GINS2: variants seen among roughly 807,000 people sequenced by gnomAD.
The protein encoded by GINS2 is DNA replication complex GINS protein PSF2.
Under a neutral mutation model 21.2 loss-of-function variants are expected in GINS2, and 23 were observed. The observed-to-expected ratio is 1.08, with a 90% CI of 0.78 to 1.53. The LOEUF is 1.53. Ranked by LOEUF, GINS2 falls within the 40% of genes most tolerant of loss-of-function variation. The pLI, the probability that GINS2 is intolerant of heterozygous loss-of-function variation, is 0.00. For synonymous variants in GINS2, 118 were observed against 85.6 expected, an observed-to-expected ratio of 1.38 and a Z score of -2.09; for missense variants, 323 against 233.9, an observed-to-expected ratio of 1.38 and a Z score of -2.49.
In GINS2 at chr16:85,688,935, C is replaced by T. The variant is rs12928692; in HGVS notation, c.-37G>A. On this transcript the variant is annotated 5_prime_UTR_variant, in exon 1 of 5. Transcript: ENST00000253462. ...CTGCAGGCCAGAGCCTCACGGTCTC[C>T]TCGGGCCCCTCAGCGTCCCGGAGGA... 3.5e-6 allele frequency: 5 copies of T among 1,430,404 alleles called. No individual in the cohort carries two copies. The highest frequency in any genetic ancestry group is 2.1e-5 in the Admixed American group (1 of 46,734). The allele number at this position is 1,430,404 out of a possible 1,614,324, so 88.6% of individuals were successfully genotyped here.
At chr16:85,682,925 T>C (rs2053746215) in intron 2 of GINS2, among the ~76,000 whole-genome samples, 1 of 152,050 alleles carries the variant, frequency 6.6e-6, no homozygotes. Context: ...TCACCCTCTC[T>C]TCACTGCCGC....
rs2053685065 is a variant in GINS2, at chr16:85,677,254, A to ACCTTGAG, written c.*957_*958insCTCAAGG. 6.6e-6 allele frequency: 1 copy of ACCTTGAG among 152,166 alleles called. No individual in the cohort carries two copies. The highest frequency in any genetic ancestry group is 1.5e-5 in the Non-Finnish European group (1 of 68,026). 9.4% of individuals were successfully genotyped at this position (152,166 alleles called of 1,614,324 possible). On this transcript the variant is annotated 3_prime_UTR_variant, in exon 5 of 5. Transcript: ENST00000253462. ...ATGCTGGACGATCATTTCACCTCTC[A>ACCTTGAG]AGGTAATGTAATTTCTGTAAAGGTC...
At chr16:85,684,276 G>C (rs1185578821) in intron 2 of GINS2, among the ~76,000 whole-genome samples, 2 of 151,964 alleles carry the variant, frequency 1.3e-5, no homozygotes, top group African/African-American at 4.8e-5. Context: ...GGAGGTTGCA[G>C]TGAGCCATGA....
At chr16:85,687,001 C>T (rs191629161) in intron 2 of GINS2, among the ~76,000 whole-genome samples, 3 of 152,356 alleles carry the variant, frequency 2.0e-5, no homozygotes, top group Non-Finnish European at 4.4e-5. Flanking sequence ...GTGGCCAGAT[C>T]GCTTGACCCC....
At chr16:85,680,478 G>A (rs544672321) in intron 3 of GINS2, among the ~76,000 whole-genome samples, 1 of 152,106 alleles carries the variant, frequency 6.6e-6, no homozygotes. Flanking sequence ...TATCTCCCAA[G>A]CAAAATTATC....
chr16:85,680,099 T>A (rs907561998), intron 3 of GINS2, among the ~76,000 whole-genome samples: 1 of 152,162 alleles, frequency 6.6e-6, no homozygotes, highest in Non-Finnish European at 1.5e-5. Flanking sequence ...GTCAAGAGCA[T>A]TGGTCACACT....
intron 2 of GINS2, among the ~76,000 whole-genome samples, chr16:85,683,851 G>C (rs1035155072): frequency 1.3e-5 from 2 of 152,160 alleles, no homozygotes; most frequent in Admixed American, 6.5e-5. Context: ...AAAATTTTTG[G>C]CCAGGACATG....
At chr16:85,687,883 T>G (rs978368036) in intron 1 of GINS2, 1 of 225,032 alleles carries the variant, frequency 4.4e-6, no homozygotes, top group Non-Finnish European at 8.7e-6. Flanking sequence ...ACACCCAATG[T>G]TGGGGTCCTG....
chr16:85,684,186 T>C (rs1241106455), intron 2 of GINS2, among the ~76,000 whole-genome samples: 1 of 152,092 alleles, frequency 6.6e-6, no homozygotes, highest in African/African-American at 2.4e-5. Flanking sequence ...CTATAAAAAT[T>C]AGCTGAATGT....
chr16:85,686,333 G>T (rs1019951870), intron 2 of GINS2, among the ~76,000 whole-genome samples: 1 of 151,856 alleles, frequency 6.6e-6, no homozygotes, highest in South Asian at 2.1e-4. Flanking sequence ...CGGGAGAATG[G>T]TGTGAACCCA....
At position 85,688,892 on chromosome 16, in the gene GINS2, C is replaced by T. The variant is rs1401511508; in HGVS notation, c.7G>A (p.Ala3Thr). 1.3e-6 allele frequency: 2 copies of T among 1,537,328 alleles called. No individual in the cohort carries two copies. Among genetic ancestry groups the T allele is most frequent in the Non-Finnish European group, 1.8e-6 (2 of 1,139,996 alleles). MDAAEVEFLAEKE... is the reference protein window; with the variant it reads MDTAEVEFLAEKE... ...TCGGCGAGGAATTCGACCTCGGCAGCGTCCATGGCGGCGCGAGCTGCAGGC... is the reference window on the plus strand; with the variant it reads ...TCGGCGAGGAATTCGACCTCGGCAGTGTCCATGGCGGCGCGAGCTGCAGGC... Residue 3 changes from alanine (A) to threonine (T), a missense_variant, in exon 1 of 5, where the codon GCT becomes ACT. Ala to Thr is a moderately conservative substitution (Grantham distance 58, BLOSUM62 0). Transcript: ENST00000253462.
Position 85,685,670 on chromosome 16 carries a change from C to CAAAAAAAAAAAAAAAAAAAAAAAAAAA in GINS2, c.205+1789_205+1790insTTTTTTTTTTTTTTTTTTTTTTTTTTT, listed in dbSNP as rs752631926. On this transcript the variant is annotated intron_variant, in intron 2 of 4. Coordinates refer to ENST00000253462, the MANE Select transcript of GINS2 (RefSeq NM_016095.3). Reference sequence around the variant, plus strand: ...TGGGTGACAGAGCAAGACCCTTTCTCAAAAAAAAAAAAAAAAAAAAACCGT... The same window carrying CAAAAAAAAAAAAAAAAAAAAAAAAAAA: ...TGGGTGACAGAGCAAGACCCTTTCTCAAAAAAAAAAAAAAAAAAAAAAAAAAAAAAAAAAAAAAAAAAAAAAAACCGT... 5.4e-4 allele frequency among the ~76,000 whole-genome samples: 30 copies of CAAAAAAAAAAAAAAAAAAAAAAAAAAA among 55,282 alleles called. 2 individuals carry two copies. Among genetic ancestry groups the CAAAAAAAAAAAAAAAAAAAAAAAAAAA allele is most frequent in the East Asian group, 5.0e-3 (7 of 1,392 alleles). The allele number at this position is 55,282 out of a possible 152,430, so 36.3% of individuals were successfully genotyped here.
chr16:85,683,945 A>G (rs907814884), intron 2 of GINS2, among the ~76,000 whole-genome samples: 2 of 152,208 alleles, frequency 1.3e-5, no homozygotes, highest in Admixed American at 6.5e-5. Flanking sequence ...AAAGTTAAGC[A>G]TTATCCCTGA....
At chr16:85,680,425 G>A (rs1028217994) in intron 3 of GINS2, among the ~76,000 whole-genome samples, 6 of 152,110 alleles carry the variant, frequency 3.9e-5, no homozygotes, top group East Asian at 1.9e-4. Context: ...AAGGATACCC[G>A]GGGAGCTTCA....
intron 2 of GINS2, among the ~76,000 whole-genome samples, chr16:85,682,647 T>C (rs1484753503): frequency 1.3e-5 from 2 of 152,034 alleles, no homozygotes; most frequent in African/African-American, 2.4e-5. Flanking sequence ...GGAGGAGGCA[T>C]GACATCCTAG....
In GINS2 at chr16:85,678,573, G is replaced by C. The variant is rs369780664; in HGVS notation, c.399C>G (p.Asp133Glu). ...TRIAKLRVSA[D>E]SFVRQQEAHA... Reference sequence around the variant, plus strand: ...GTGCCTCCTGCTGTCTCACAAAGCTGTCAGCAGACACTCGGAGTTTGGCTA... The same window carrying C: ...GTGCCTCCTGCTGTCTCACAAAGCTCTCAGCAGACACTCGGAGTTTGGCTA... The change falls in exon 4 of 5, where the codon GAC becomes GAG. Residue 133 changes from aspartate (D) to glutamate (E), a missense_variant. Transcript: ENST00000253462. 4 of 1,613,958 alleles carry C rather than the reference G, an allele frequency of 2.5e-6. No individual in the cohort carries two copies. The highest frequency in any genetic ancestry group is 3.4e-6 in the Non-Finnish European group (4 of 1,179,974).
rs535646191 is a variant in GINS2, at chr16:85,679,414, G to A, written c.306-748C>T. ...GAAAAACTACACGATAAAAGCAGAA[G>A]CAAATATTGTTCGTCACTAGGCATT... is the stretch of plus-strand genomic sequence containing the variant. On this transcript the variant is annotated intron_variant, in intron 3 of 4. Transcript: ENST00000253462. Among the ~76,000 whole-genome samples the A allele has an allele frequency of 9.2e-5, 14 of 152,300 alleles. 2 individuals carry two copies. The South Asian group carries it at 2.7e-3, about 29-fold the overall frequency.
At position 85,678,181 on chromosome 16, in the gene GINS2, C is replaced by G; in HGVS notation, c.*31G>C. On this transcript the variant is annotated 3_prime_UTR_variant, in exon 5 of 5. Coordinates refer to ENST00000253462, the MANE Select transcript of GINS2 (RefSeq NM_016095.3). Reference sequence around the variant, plus strand: ...TCATCACGTCCTGAGCGCTCACATCCCCCAGCAAGCCGCCTGCACCAGGCC... The same window carrying G: ...TCATCACGTCCTGAGCGCTCACATCGCCCAGCAAGCCGCCTGCACCAGGCC... 1.2e-6 allele frequency: 2 copies of G among 1,608,180 alleles called. No homozygotes were observed. Among genetic ancestry groups the G allele is most frequent in the Non-Finnish European group, 1.7e-6 (2 of 1,177,112 alleles).
rs1319452354 is a variant in GINS2, at chr16:85,688,919, A to G, written c.-21T>C. 4.0e-6 allele frequency: 6 copies of G among 1,517,758 alleles called. No homozygotes were observed. The highest frequency in any genetic ancestry group is 3.6e-6 in the Non-Finnish European group (4 of 1,124,546). The allele number at this position is 1,517,758 out of a possible 1,614,324, so 94.0% of individuals were successfully genotyped here. A position where few individuals can be genotyped will look rare whatever the true frequency, so the allele number is the denominator to read the frequency against. ...TCCATGGCGGCGCGAGCTGCAGGCC[A>G]GAGCCTCACGGTCTCCTCGGGCCCC... is the stretch of plus-strand genomic sequence containing the variant. On this transcript the variant is annotated 5_prime_UTR_variant, in exon 1 of 5. Transcript: ENST00000253462.
Sources: gnomAD v4.1 joint callset for allele counts (sites outside exome capture counted in the v4.1 genomes callset) on GRCh38, gnomAD v4.1.1 for gene constraint, MANE v1.5 for transcripts, NCBI Gene and HGNC (gene_info 2026-07-23, HGNC 2026-07-21) for gene names.